The following ADAMTSL1 variants were observed in gnomAD, a reference collection of about 807,000 sequenced individuals.
ADAMTSL1 encodes ADAMTS like 1, also known as ADAMTS-like protein 1.
In ADAMTSL1, 126 loss-of-function variants were observed where a neutral mutation model predicts 201.8. That is an observed-to-expected ratio of 0.62 (90% CI 0.54 to 0.72). The LOEUF is 0.72. Ranked by LOEUF, ADAMTSL1 falls within the 30% of genes least tolerant of loss-of-function variation. ADAMTSL1 has a pLI of 0.00. For synonymous variants in ADAMTSL1, 1,121 were observed against 903.4 expected (o/e 1.24, Z -4.32); for missense variants, 2,679 against 2,277.8 (o/e 1.18, Z -3.59).
intron 13 of ADAMTSL1, among the ~76,000 whole-genome samples, chr9:18,699,833 A>G (rs967580212): frequency 6.6e-6 from 1 of 152,202 alleles, no homozygotes; most frequent in Non-Finnish European, 1.5e-5. Context: ...GATGCCTCAT[A>G]GCCTAGGCTT....
chr9:18,427,343 G>A (rs1251556311), intron 2 of ADAMTSL1, among the ~76,000 whole-genome samples: 1 of 152,124 alleles, frequency 6.6e-6, no homozygotes, highest in Non-Finnish European at 1.5e-5. Flanking sequence ...CTTAGGCTAG[G>A]GATAATTCCT....
chr9:18,817,372 C>A (rs769703918), intron 21 of ADAMTSL1, 135 bp downstream of exon 21: 2 of 861,216 alleles, frequency 2.3e-6, no homozygotes, highest in Non-Finnish European at 1.7e-6. Context: ...GAACCTCAGT[C>A]GCTCTGAAAG....
chr9:18,087,822 T>A (rs1823833024), intron 1 of ADAMTSL1, among the ~76,000 whole-genome samples: 2 of 152,136 alleles, frequency 1.3e-5, no homozygotes, highest in South Asian at 4.1e-4. Flanking sequence ...TCTTTTGCAA[T>A]TAAAAGTTGC....
At chr9:18,180,711 A>G (rs200939227) in intron 2 of ADAMTSL1, among the ~76,000 whole-genome samples, 1 of 152,104 alleles carries the variant, frequency 6.6e-6, no homozygotes, top group Admixed American at 6.5e-5. Context: ...CCATACTGCC[A>G]AAGGTAATTT....
At chr9:18,876,106 C>T (rs980101155) in intron 23 of ADAMTSL1, among the ~76,000 whole-genome samples, 1 of 151,888 alleles carries the variant, frequency 6.6e-6, no homozygotes, top group African/African-American at 2.4e-5. Context: ...CTTTTTCTAC[C>T]CCTTTACCTT....
chr9:18,619,907 C>T lies in ADAMTSL1; in HGVS notation c.475-2336C>T, dbSNP rs556422713. On this transcript the variant is annotated intron_variant, in intron 4 of 28. Coordinates refer to ENST00000380548, the MANE Select transcript of ADAMTSL1 (RefSeq NM_001040272.6). ...TTAAGTCCTCTTCAATCCCAAAAAC[C>T]ACAACAATAGTAGAGTCAATAATGC... 2.6e-5 allele frequency among the ~76,000 whole-genome samples: 4 copies of T among 152,138 alleles called. No homozygotes were observed. In the South Asian group the frequency reaches 6.2e-4, roughly 24 times the overall value.
chr9:18,237,670 AACTT>A (rs1211394484), intron 2 of ADAMTSL1, among the ~76,000 whole-genome samples: 1 of 152,248 alleles, frequency 6.6e-6, no homozygotes, highest in East Asian at 1.9e-4. Context: ...TATTTAGAAA[AACTT>A]AAGTAGTCAA....
intron 19 of ADAMTSL1, among the ~76,000 whole-genome samples, chr9:18,794,457 C>A (rs910987777): frequency 4.0e-5 from 6 of 151,388 alleles, no homozygotes; most frequent in African/African-American, 1.5e-4. Flanking sequence ...AGTTTTGTGC[C>A]CCATAAGATT....
At chr9:18,425,879 G>C (rs1457494104) in intron 2 of ADAMTSL1, among the ~76,000 whole-genome samples, 1 of 105,576 alleles carries the variant, frequency 9.5e-6, no homozygotes, top group Non-Finnish European at 2.1e-5. Flanking sequence ...AAAAAAAAAA[G>C]ACGTGTATAG....
At chr9:18,676,889 G>A (rs1311994056) in intron 10 of ADAMTSL1, among the ~76,000 whole-genome samples, 1 of 151,952 alleles carries the variant, frequency 6.6e-6, no homozygotes, top group Non-Finnish European at 1.5e-5. Context: ...CCAAATAGAG[G>A]TCCCTTGACG....
intron 1 of ADAMTSL1, among the ~76,000 whole-genome samples, chr9:18,070,784 G>A (rs1822929858): frequency 6.6e-6 from 1 of 152,142 alleles, no homozygotes; most frequent in Admixed American, 6.5e-5. Context: ...AGGATGGGAT[G>A]GTGTGGAGAT....
intron 1 of ADAMTSL1, among the ~76,000 whole-genome samples, chr9:17,943,898 AAGGG>A (rs1827344586): frequency 1.3e-5 from 2 of 152,036 alleles, no homozygotes; most frequent in African/African-American, 4.8e-5. Flanking sequence ...GCAGAAGGTG[AAGGG>A]TGAACAGGCA....
intron 19 of ADAMTSL1, among the ~76,000 whole-genome samples, chr9:18,778,189 C>T (rs1158927187): frequency 6.6e-6 from 1 of 152,242 alleles, no homozygotes; most frequent in Non-Finnish European, 1.5e-5. Flanking sequence ...AAATGAGATA[C>T]TCTCTGGATA....
At chr9:18,231,351 T>C (rs987667741) in intron 2 of ADAMTSL1, among the ~76,000 whole-genome samples, 2 of 152,174 alleles carry the variant, frequency 1.3e-5, no homozygotes, top group African/African-American at 4.8e-5. Flanking sequence ...GTGATTTCCA[T>C]ATTATTAAAC....
chr9:18,740,501 G>T, intron 15 of ADAMTSL1, among the ~76,000 whole-genome samples: 1 of 135,892 alleles, frequency 7.4e-6, no homozygotes, highest in African/African-American at 2.8e-5. Flanking sequence ...TTTTTGAGAG[G>T]AGTCTCCCTC....
intron 7 of ADAMTSL1, among the ~76,000 whole-genome samples, 191 bp downstream of exon 7, chr9:18,639,602 G>T (rs966408564): frequency 5.9e-5 from 9 of 151,924 alleles, no homozygotes; most frequent in African/African-American, 2.2e-4. Flanking sequence ...ATATTTCAAG[G>T]TCATAGAAAA....
chr9:17,953,721 G>A (rs893020517), intron 1 of ADAMTSL1, among the ~76,000 whole-genome samples: 1 of 152,142 alleles, frequency 6.6e-6, no homozygotes, highest in Non-Finnish European at 1.5e-5. Context: ...GCTTGTATGT[G>A]CATGGAAAAA....
chr9:18,661,836 G>A, intron 8 of ADAMTSL1, 99 bp from the exon 9 acceptor site: 1 of 1,260,590 alleles, frequency 7.9e-7, no homozygotes. Context: ...TAAGGCATTG[G>A]GGAATAATTT....
chr9:18,468,126 C>G (rs137884181), intron 2 of ADAMTSL1, among the ~76,000 whole-genome samples: 2 of 152,166 alleles, frequency 1.3e-5, no homozygotes, highest in African/African-American at 2.4e-5. Context: ...CCAAGATTCT[C>G]TGTAGCATTG....
Sources: allele counts gnomAD v4.1 joint callset (sites outside exome capture counted in the v4.1 genomes callset), GRCh38; gene constraint gnomAD v4.1.1; transcripts MANE v1.5; gene names NCBI Gene and HGNC (gene_info 2026-07-23, HGNC 2026-07-21).